The following TNR variants were observed in gnomAD, a reference collection of about 807,000 sequenced individuals.
TNR encodes tenascin-R.
Under a neutral mutation model 150.4 loss-of-function variants are expected in TNR, and 45 were observed. That is an observed-to-expected ratio of 0.30 (90% CI 0.24 to 0.38). TNR has a LOEUF of 0.38. Ranked by LOEUF, TNR falls within the 10% of genes least tolerant of loss-of-function variation. TNR has a pLI of 1.00. For missense variants in TNR, 1,544 were observed against 1,759.1 expected (o/e 0.88, Z 2.19); for synonymous variants, 687 against 678.4 (o/e 1.01, Z -0.20).
At chr1:175,404,133 C>A (rs1387026217) in intron 3 of TNR, among the ~76,000 whole-genome samples, 1 of 152,100 alleles carries the variant, frequency 6.6e-6, no homozygotes, top group African/African-American at 2.4e-5. Flanking sequence ...TCCCCCAGCC[C>A]CTCATTCTCT....
chr1:175,590,141 A>G (rs1662741650), intron 1 of TNR, among the ~76,000 whole-genome samples: 1 of 152,218 alleles, frequency 6.6e-6, no homozygotes, highest in Admixed American at 6.5e-5. Context: ...ATACACTGAA[A>G]GATTGCTAAA....
At chr1:175,429,999 T>C (rs1267106690) in intron 2 of TNR, among the ~76,000 whole-genome samples, 41 of 151,572 alleles carry the variant, frequency 2.7e-4, no homozygotes, top group Admixed American at 2.4e-3. Flanking sequence ...AATGATGGAA[T>C]ATGTATGTGA....
intron 2 of TNR, among the ~76,000 whole-genome samples, chr1:175,427,906 C>CTTCCTTCA (rs1655086696): frequency 7.5e-6 from 1 of 133,046 alleles, no homozygotes; most frequent in Non-Finnish European, 1.5e-5. Flanking sequence ...TCCTTCCTTC[C>CTTCCTTCA]TTCCTTCCTT....
chr1:175,534,692 C>T (rs1660200589), intron 1 of TNR, among the ~76,000 whole-genome samples: 1 of 152,214 alleles, frequency 6.6e-6, no homozygotes, highest in Non-Finnish European at 1.5e-5. Context: ...AGAGGGGCTG[C>T]AGGATTCTGG....
chr1:175,325,507 C>A (rs1017463970), intron 21 of TNR, among the ~76,000 whole-genome samples: 8 of 152,176 alleles, frequency 5.3e-5, no homozygotes, highest in African/African-American at 1.7e-4. Context: ...ACCCAGCCAT[C>A]CCATTACTGG....
At chr1:175,557,111 C>G (rs896722079) in intron 1 of TNR, among the ~76,000 whole-genome samples, 1 of 152,220 alleles carries the variant, frequency 6.6e-6, no homozygotes, top group Non-Finnish European at 1.5e-5. Context: ...CAGCAAGAAT[C>G]TGAGGCCTTC....
At chr1:175,669,514 T>C (rs1665630690) in intron 1 of TNR, among the ~76,000 whole-genome samples, 2 of 152,202 alleles carry the variant, frequency 1.3e-5, no homozygotes, top group African/African-American at 4.8e-5. Context: ...AAACAGTTAA[T>C]CATATTTTAG....
At chr1:175,328,075 A>G (rs1008489186) in intron 21 of TNR, among the ~76,000 whole-genome samples, 1 of 152,230 alleles carries the variant, frequency 6.6e-6, no homozygotes, top group Non-Finnish European at 1.5e-5. Flanking sequence ...GCCACTGCAC[A>G]CCAGCCTGGG....
At chr1:175,664,048 GC>G (rs1426519729) in intron 1 of TNR, among the ~76,000 whole-genome samples, 1 of 152,240 alleles carries the variant, frequency 6.6e-6, no homozygotes, top group East Asian at 1.9e-4. Context: ...GGACCTCACT[GC>G]AGGGAGGCCA....
intron 1 of TNR, among the ~76,000 whole-genome samples, chr1:175,541,248 T>C (rs941527594): frequency 3.3e-5 from 5 of 152,198 alleles, no homozygotes; most frequent in Non-Finnish European, 7.3e-5. Flanking sequence ...AATCAGCATA[T>C]CCTCAGCACC....
intron 2 of TNR, among the ~76,000 whole-genome samples, chr1:175,510,805 C>T (rs1659140479): frequency 6.6e-6 from 1 of 152,178 alleles, no homozygotes; most frequent in South Asian, 2.1e-4. Flanking sequence ...AGCTTTGCCA[C>T]AGCTTCCCCT....
At chr1:175,734,405 T>C (rs984213214) in intron 1 of TNR, among the ~76,000 whole-genome samples, 11 of 152,208 alleles carry the variant, frequency 7.2e-5, no homozygotes, top group Non-Finnish European at 1.6e-4. Context: ...GAGAAGTCAA[T>C]GGATTTCCCC....
intron 14 of TNR, 141 bp downstream of exon 14, chr1:175,362,522 A>G: frequency 1.0e-6 from 1 of 989,528 alleles, no homozygotes. Context: ...AGAAATTGCA[A>G]ATTGCCCTGC....
chr1:175,646,509 C>T (rs765235627), intron 1 of TNR, among the ~76,000 whole-genome samples: 2 of 152,174 alleles, frequency 1.3e-5, no homozygotes, highest in African/African-American at 2.4e-5. Context: ...ACCCTTAAGA[C>T]GTTGCTGTTA....
chr1:175,330,603 G>A (rs750901292), intron 20 of TNR: 60 of 169,884 alleles, frequency 3.5e-4, no homozygotes, highest in Non-Finnish European at 5.6e-4. Context: ...ATGGATGTGA[G>A]CCCTTGGGCA....
chr1:175,676,664 G>A (rs532208473), intron 1 of TNR, among the ~76,000 whole-genome samples: 33 of 152,274 alleles, frequency 2.2e-4, no homozygotes, highest in African/African-American at 7.0e-4. Flanking sequence ...CAGCCAGAAA[G>A]GGAAAAAATC....
At chr1:175,551,400 G>A (rs1660930209) in intron 1 of TNR, among the ~76,000 whole-genome samples, 1 of 152,164 alleles carries the variant, frequency 6.6e-6, no homozygotes, top group Admixed American at 6.6e-5. Flanking sequence ...AGTGGAGGAT[G>A]CAGGCCACAA....
intron 1 of TNR, among the ~76,000 whole-genome samples, chr1:175,611,595 A>G (rs1663600117): frequency 6.6e-6 from 1 of 152,140 alleles, no homozygotes; most frequent in South Asian, 2.1e-4. Context: ...TGGCTTCTCA[A>G]AGTGCTGGGA....
At chr1:175,511,297 G>A (rs1395847638) in intron 2 of TNR, among the ~76,000 whole-genome samples, 2 of 152,156 alleles carry the variant, frequency 1.3e-5, no homozygotes, top group Non-Finnish European at 2.9e-5. Context: ...TTCATAAAAT[G>A]CCATTTCATT....
Sources: allele counts gnomAD v4.1 joint callset (sites outside exome capture counted in the v4.1 genomes callset), GRCh38; gene constraint gnomAD v4.1.1; transcripts MANE v1.5; gene names NCBI Gene and HGNC (gene_info 2026-07-23, HGNC 2026-07-21).